The following RBFOX1 variants were observed in gnomAD, a reference collection of about 807,000 sequenced individuals.
RBFOX1 encodes the protein RNA binding fox-1 homolog 1, also known as RNA binding protein fox-1 homolog 1.
Under a neutral mutation model 57.7 loss-of-function variants are expected in RBFOX1, and 8 were observed. The observed-to-expected ratio is 0.14, with a 90% CI of 0.08 to 0.25. The LOEUF is 0.25. Among genes scored for constraint, RBFOX1 ranks in the 10% least tolerant of loss-of-function variants. RBFOX1 has a pLI of 1.00. For missense variants in RBFOX1, 611 were observed against 548.5 expected (o/e 1.11, Z -1.14); for synonymous variants, 326 against 222.4 (o/e 1.47, Z -4.15).
rs571061422 is a variant in RBFOX1, at chr16:7,151,035, G to C, written c.27+98937G>C. On this transcript the variant is annotated intron_variant, in intron 4 of 15. Transcript: ENST00000550418. ...TACGCTCCTTTCCAAAATTATTTTT[G>C]TGGTAGCACAGAAGTTCTCTCCCTC... is the stretch of plus-strand genomic sequence containing the variant. Among the ~76,000 whole-genome samples the C allele has an allele frequency of 3.3e-5, 5 of 152,236 alleles. No individual in the cohort carries two copies. In the South Asian group the frequency reaches 8.3e-4, roughly 25 times the overall value.
intron 3 of RBFOX1, among the ~76,000 whole-genome samples, chr16:6,838,492 G>C (rs895855773): frequency 3.9e-5 from 6 of 152,192 alleles, no homozygotes; most frequent in African/African-American, 9.6e-5. Flanking sequence ...CCCTTAATTT[G>C]CATGCAATTA....
chr16:6,644,518 C>G (rs1386120004), intron 2 of RBFOX1, among the ~76,000 whole-genome samples: 2 of 152,212 alleles, frequency 1.3e-5, no homozygotes, highest in African/African-American at 2.4e-5. Context: ...TCTCCTCACA[C>G]TCCTGAGAGG....
intron 1 of RBFOX1, among the ~76,000 whole-genome samples, chr16:6,054,239 T>A (rs7184523): frequency 0.92 from 139,266 of 152,088 alleles, 63,877 homozygotes; most frequent in African/African-American, 0.96. Flanking sequence ...CATAATATAA[T>A]ATGTTTTTTT....
At chr16:6,428,418 C>T (rs1277014596) in intron 2 of RBFOX1, among the ~76,000 whole-genome samples, 1 of 151,128 alleles carries the variant, frequency 6.6e-6, no homozygotes, top group East Asian at 1.9e-4. Flanking sequence ...GGGTGGAATA[C>T]AAAACTAATG....
At chr16:5,539,474 A>T (rs1328938408) in intron 2 of RBFOX1, among the ~76,000 whole-genome samples, 1 of 151,712 alleles carries the variant, frequency 6.6e-6, no homozygotes, top group African/African-American at 2.4e-5. Flanking sequence ...ATACAAAAAA[A>T]AACACTTGTA....
At chr16:6,740,014 C>A (rs762829926) in intron 3 of RBFOX1, among the ~76,000 whole-genome samples, 4 of 152,102 alleles carry the variant, frequency 2.6e-5, no homozygotes, top group Non-Finnish European at 5.9e-5. Flanking sequence ...AGAATTAACA[C>A]TATTTAAAAC....
intron 1 of RBFOX1, among the ~76,000 whole-genome samples, chr16:6,245,671 A>C (rs542154244): frequency 4.1e-4 from 62 of 152,156 alleles, no homozygotes; most frequent in Non-Finnish European, 7.5e-4. Flanking sequence ...TCTCTTAACA[A>C]CTCTTAGTGG....
chr16:6,273,340 GTTTTTTTTTT>G (rs544640090), intron 1 of RBFOX1, among the ~76,000 whole-genome samples: 2 of 89,898 alleles, frequency 2.2e-5, no homozygotes, highest in East Asian at 7.2e-4. Flanking sequence ...GTTGTTGTTG[GTTTTTTTTTT>G]TTTTTTTTTT....
At chr16:5,884,614 T>C (rs1008802547) in intron 4 of RBFOX1, among the ~76,000 whole-genome samples, 7 of 152,102 alleles carry the variant, frequency 4.6e-5, no homozygotes, top group African/African-American at 1.7e-4. Context: ...CATAAGCCTT[T>C]CCCGTGGATT....
At chr16:6,900,720 G>C (rs992820065) in intron 3 of RBFOX1, among the ~76,000 whole-genome samples, 1 of 152,098 alleles carries the variant, frequency 6.6e-6, no homozygotes, top group African/African-American at 2.4e-5. Context: ...TCTCCATGAT[G>C]CCGTTCCTAT....
chr16:6,129,826 C>T (rs999319434), intron 1 of RBFOX1, among the ~76,000 whole-genome samples: 1 of 149,154 alleles, frequency 6.7e-6, no homozygotes, highest in Non-Finnish European at 1.5e-5. Flanking sequence ...ATGGTACAAA[C>T]AGTAACTGAT....
At chr16:6,805,375 T>G (rs770900925) in intron 3 of RBFOX1, among the ~76,000 whole-genome samples, 1 of 152,030 alleles carries the variant, frequency 6.6e-6, no homozygotes, top group Non-Finnish European at 1.5e-5. Flanking sequence ...ACAGCAGACT[T>G]TGGGGTCTCC....
At chr16:7,401,283 G>C (rs1225430790) in intron 4 of RBFOX1, among the ~76,000 whole-genome samples, 2 of 152,184 alleles carry the variant, frequency 1.3e-5, no homozygotes, top group African/African-American at 4.8e-5. Context: ...AGAGAAAAAG[G>C]TGAAGCTTTT....
chr16:6,260,976 G>A (rs1176107202), intron 1 of RBFOX1, among the ~76,000 whole-genome samples: 2 of 152,136 alleles, frequency 1.3e-5, no homozygotes, highest in Non-Finnish European at 2.9e-5. Flanking sequence ...TTTTCCCTCT[G>A]GACATGGACA....
At chr16:5,790,318 A>G (rs2054647071) in intron 3 of RBFOX1, among the ~76,000 whole-genome samples, 1 of 152,302 alleles carries the variant, frequency 6.6e-6, no homozygotes, top group South Asian at 2.1e-4. Flanking sequence ...GTATATGGGA[A>G]AGGCTTGCCA....
intron 11 of RBFOX1, among the ~76,000 whole-genome samples, chr16:7,650,036 G>A (rs187285302): frequency 2.1e-5 from 2 of 95,400 alleles, no homozygotes; most frequent in East Asian, 7.6e-4. Context: ...AAGAGGGAGG[G>A]AAGGACAGGA....
At chr16:5,886,284 T>C (rs2057897900) in intron 4 of RBFOX1, among the ~76,000 whole-genome samples, 1 of 152,206 alleles carries the variant, frequency 6.6e-6, no homozygotes, top group Non-Finnish European at 1.5e-5. Context: ...CCTCTGTCCT[T>C]ATCTGTAAAA....
chr16:7,654,716 A>G (rs2065899015), intron 12 of RBFOX1, among the ~76,000 whole-genome samples: 1 of 152,186 alleles, frequency 6.6e-6, no homozygotes, highest in African/African-American at 2.4e-5. Context: ...GGCTCCTGCT[A>G]GAATATTCTT....
chr16:5,363,622 G>T (rs62017699), intron 1 of RBFOX1, among the ~76,000 whole-genome samples: 24,402 of 152,102 alleles, frequency 0.16, 2,674 homozygotes, highest in Non-Finnish European at 0.23. Flanking sequence ...CCTCAGACTA[G>T]GTAGGTAGCA....
Sources: gnomAD v4.1 joint callset for allele counts (sites outside exome capture counted in the v4.1 genomes callset) on GRCh38, gnomAD v4.1.1 for gene constraint, MANE v1.5 for transcripts, NCBI Gene and HGNC (gene_info 2026-07-23, HGNC 2026-07-21) for gene names.